MAP4: variants seen among roughly 807,000 people sequenced by gnomAD.
MAP4 encodes microtubule associated protein 4.
MAP4 carries 76 observed loss-of-function variants against 170.2 expected under a neutral mutation model. The ratio of observed to expected loss-of-function variants is 0.45; its 90% CI spans 0.37 to 0.54. The LOEUF is 0.54. Ranked by LOEUF, MAP4 falls within the 20% of genes least tolerant of loss-of-function variation. MAP4 has a pLI of 0.00. For synonymous variants in MAP4, 909 were observed against 994.5 expected (o/e 0.91, Z 1.62); for missense variants, 2,506 against 2,748.0 (o/e 0.91, Z 1.97).
At chr3:47,872,560 T>C (rs1436571034) in intron 12 of MAP4, among the ~76,000 whole-genome samples, 7 of 152,138 alleles carry the variant, frequency 4.6e-5, no homozygotes, top group Admixed American at 4.6e-4. Flanking sequence ...GGAAAATACA[T>C]ATGGTTCTAA....
chr3:47,948,981 A>G (rs2100061909), intron 3 of MAP4, among the ~76,000 whole-genome samples: 1 of 152,178 alleles, frequency 6.6e-6, no homozygotes, highest in South Asian at 2.1e-4. Context: ...TCAGAATTCT[A>G]CATTAATCCA....
intron 17 of MAP4, 59 bp from the exon 18 acceptor site, chr3:47,857,571 CCA>C: frequency 8.0e-5 from 90 of 1,130,414 alleles, no homozygotes; most frequent in Middle Eastern, 1.9e-4. Flanking sequence ...AGAGCCAACC[CCA>C]TGCTACCTTT....
intron 10 of MAP4, among the ~76,000 whole-genome samples, chr3:47,897,704 C>G (rs183489017): frequency 1.3e-5 from 2 of 151,426 alleles, no homozygotes; most frequent in African/African-American, 4.9e-5. Context: ...TTTGGGAGGT[C>G]GAGGCGGGCG....
At chr3:47,907,414 T>A (rs1022867868) in intron 9 of MAP4, among the ~76,000 whole-genome samples, 1 of 152,200 alleles carries the variant, frequency 6.6e-6, no homozygotes, top group Non-Finnish European at 1.5e-5. Flanking sequence ...ACAATTAGTT[T>A]AAAAATTTTT....
chr3:47,888,748 CCAAA>C (rs2098090214), intron 10 of MAP4, among the ~76,000 whole-genome samples: 1 of 152,186 alleles, frequency 6.6e-6, no homozygotes, highest in South Asian at 2.1e-4. Flanking sequence ...AGATTGGATT[CCAAA>C]CAACTTTCTA....
intron 3 of MAP4, among the ~76,000 whole-genome samples, chr3:47,958,285 T>C (rs2100069078): frequency 6.6e-6 from 1 of 152,108 alleles, no homozygotes; most frequent in Non-Finnish European, 1.5e-5. Context: ...AGGGAATAAA[T>C]GTTTGAGTCA....
At chr3:48,069,196 A>G (rs964237044) in intron 1 of MAP4, among the ~76,000 whole-genome samples, 1 of 152,194 alleles carries the variant, frequency 6.6e-6, no homozygotes, top group Admixed American at 6.5e-5. Flanking sequence ...TATATAACCC[A>G]ATGAAACTTA....
At chr3:48,007,320 G>C (rs2154411660) in intron 1 of MAP4, among the ~76,000 whole-genome samples, 1 of 152,280 alleles carries the variant, frequency 6.6e-6, no homozygotes, top group East Asian at 1.9e-4. Context: ...TGTTGTGTTT[G>C]GTCTCTCCCA....
At chr3:47,908,725 T>A (rs956689983) in intron 9 of MAP4, among the ~76,000 whole-genome samples, 5 of 152,158 alleles carry the variant, frequency 3.3e-5, no homozygotes, top group Non-Finnish European at 1.5e-5. Flanking sequence ...GGCACAATTT[T>A]AAAAAAATTA....
At chr3:48,069,462 G>A (rs906144949) in intron 1 of MAP4, among the ~76,000 whole-genome samples, 5 of 152,138 alleles carry the variant, frequency 3.3e-5, no homozygotes, top group African/African-American at 1.2e-4. Context: ...TCAGTCCAGT[G>A]CTATTACTGC....
At chr3:47,930,899 G>A (rs922514999) in intron 3 of MAP4, among the ~76,000 whole-genome samples, 1 of 150,558 alleles carries the variant, frequency 6.6e-6, no homozygotes, top group African/African-American at 2.4e-5. Flanking sequence ...ACTGCACTCC[G>A]GCCTGGGTGA....
intron 1 of MAP4, among the ~76,000 whole-genome samples, chr3:48,035,479 T>G (rs1489094035): frequency 6.7e-6 from 1 of 149,494 alleles, no homozygotes; most frequent in African/African-American, 2.5e-5. Flanking sequence ...ACAAAAAATT[T>G]AAAAATTAGC....
intron 5 of MAP4, among the ~76,000 whole-genome samples, chr3:47,920,813 A>C (rs2100042435): frequency 6.6e-6 from 1 of 152,138 alleles, no homozygotes; most frequent in South Asian, 2.1e-4. Flanking sequence ...CAGCTTCCCA[A>C]AGTGCTAGGG....
At chr3:47,973,185 A>C (rs2100079805) in intron 3 of MAP4, 1 of 983,222 alleles carries the variant, frequency 1.0e-6, no homozygotes, top group Non-Finnish European at 1.2e-6. Flanking sequence ...AAAAAATACA[A>C]ACTTAGGTAT....
intron 2 of MAP4, among the ~76,000 whole-genome samples, chr3:47,985,454 T>G (rs1474540876): frequency 6.6e-6 from 1 of 151,794 alleles, no homozygotes; most frequent in Non-Finnish European, 1.5e-5. Context: ...AAATAAATGC[T>G]TTTTTTTAAT....
chr3:48,033,073 G>T (rs2100116997), intron 1 of MAP4, among the ~76,000 whole-genome samples: 1 of 152,192 alleles, frequency 6.6e-6, no homozygotes, highest in Non-Finnish European at 1.5e-5. Context: ...TTAAAAGTGA[G>T]AAAAGTCCAA....
At chr3:47,930,975 C>G (rs1340871066) in intron 3 of MAP4, among the ~76,000 whole-genome samples, 1 of 150,874 alleles carries the variant, frequency 6.6e-6, no homozygotes, top group Non-Finnish European at 1.5e-5. Flanking sequence ...AGACATTTTA[C>G]CAAAGAAAAT....
In MAP4 at chr3:47,871,122, G is replaced by A. The variant is rs781695348; in HGVS notation, c.6002-17C>T. 3.2e-5 allele frequency: 52 copies of A among 1,608,364 alleles called. No individual in the cohort carries two copies. Among genetic ancestry groups the A allele is most frequent in the Non-Finnish European group, 4.2e-5 (49 of 1,175,588 alleles). Reference sequence around the variant, plus strand: ...TCAAGTCAGCTGCAAAGAAGGGAGTGAGAGATAACACGGGTTCAGGGAGAG... The same window carrying A: ...TCAAGTCAGCTGCAAAGAAGGGAGTAAGAGATAACACGGGTTCAGGGAGAG... On this transcript the variant is annotated splice_polypyrimidine_tract_variant and intron_variant, in intron 14 of 20. Transcript: ENST00000683076.
At chr3:47,937,683 C>T (rs1333641576) in intron 3 of MAP4, among the ~76,000 whole-genome samples, 22 of 113,172 alleles carry the variant, frequency 1.9e-4, no homozygotes, top group African/African-American at 3.1e-4. Context: ...TTTTTTGAGA[C>T]GAAGTCTCAC....
Sources: gnomAD v4.1 joint callset for allele counts (sites outside exome capture counted in the v4.1 genomes callset) on GRCh38, gnomAD v4.1.1 for gene constraint, MANE v1.5 for transcripts, NCBI Gene and HGNC (gene_info 2026-07-23, HGNC 2026-07-21) for gene names.